ATG7: variants seen among roughly 807,000 people sequenced by gnomAD.
The protein encoded by ATG7 is autophagy related 7.
In ATG7, 70 loss-of-function variants were observed where a neutral mutation model predicts 82.4. The observed-to-expected ratio is 0.85, with a 90% confidence interval of 0.70 to 1.04. ATG7 has a LOEUF of 1.04. Ranked by LOEUF, ATG7 falls within the 50% of genes least tolerant of loss-of-function variation. ATG7 has a pLI of 0.00. For missense variants in ATG7, 792 were observed against 864.3 expected (o/e 0.92, Z 1.05); for synonymous variants, 287 against 313.0 (o/e 0.92, Z 0.88).
At chr3:11,532,594 G>A (rs1202616066) in intron 20 of ATG7, among the ~76,000 whole-genome samples, 3 of 152,134 alleles carry the variant, frequency 2.0e-5, no homozygotes, top group Admixed American at 6.5e-5. Context: ...GTGGTGGTGC[G>A]CACCTGTGGT....
intron 20 of ATG7, among the ~76,000 whole-genome samples, chr3:11,451,796 A>AC (rs1219064789): frequency 8.2e-6 from 1 of 121,872 alleles, no homozygotes; most frequent in African/African-American, 3.5e-5. Context: ...AAAAAAAAAA[A>AC]AAACAAATTA....
intron 19 of ATG7, among the ~76,000 whole-genome samples, chr3:11,424,388 A>G (rs1162799103): frequency 6.6e-6 from 1 of 152,038 alleles, no homozygotes; most frequent in Non-Finnish European, 1.5e-5. Flanking sequence ...TAAAGGTGGG[A>G]GGATCACCTG....
At chr3:11,324,795 C>T (rs968175105) in intron 9 of ATG7, among the ~76,000 whole-genome samples, 1 of 152,006 alleles carries the variant, frequency 6.6e-6, no homozygotes. Flanking sequence ...TCTACATTTG[C>T]ACATGATAAA....
rs1954828953 is a variant in ATG7, at chr3:11,348,011, G to A, written c.1260G>A (p.Arg420=). ...GKPKALAAAD[R]LQKIFPGVNA... ...CCAAGGCTCTGGCAGCAGCGGACCGGCTCCAGAAAATATTCCCCGGTGTGG... is the reference window on the plus strand; with the variant it reads ...CCAAGGCTCTGGCAGCAGCGGACCGACTCCAGAAAATATTCCCCGGTGTGG... The change falls in exon 14 of 21, where the codon CGG becomes CGA. Residue 420 remains arginine (R), a synonymous_variant. Transcript: ENST00000693202. 1 of 1,613,822 alleles carries A rather than the reference G, an allele frequency of 6.2e-7. No individual in the cohort carries two copies. The highest frequency in any genetic ancestry group is 2.2e-5 in the East Asian group (1 of 44,882).
At chr3:11,495,079 GA>G (rs368633027) in intron 20 of ATG7, among the ~76,000 whole-genome samples, 7 of 146,520 alleles carry the variant, frequency 4.8e-5, no homozygotes, top group South Asian at 4.3e-4. Flanking sequence ...CTCCGTCTCA[GA>G]AAAAAAAAAG....
downstream of ATG7, among the ~76,000 whole-genome samples, chr3:11,560,740 T>C (rs1481149379): frequency 1.3e-5 from 2 of 152,082 alleles, no homozygotes; most frequent in African/African-American, 4.8e-5. Context: ...CAGGGTTTCT[T>C]AGTGGCCCGA....
chr3:11,492,426 G>C (rs566472751), intron 20 of ATG7, among the ~76,000 whole-genome samples: 1 of 152,198 alleles, frequency 6.6e-6, no homozygotes, highest in African/African-American at 2.4e-5. Flanking sequence ...CCCGTCTTCT[G>C]TGTCACTCAC....
chr3:11,447,579 C>T (rs1362613268), intron 20 of ATG7, among the ~76,000 whole-genome samples: 2 of 152,156 alleles, frequency 1.3e-5, no homozygotes, highest in Non-Finnish European at 2.9e-5. Context: ...TAGTGTTCAT[C>T]AGCTCTGTTC....
At position 11,330,409 on chromosome 3, in the gene ATG7, A is replaced by G. The variant is rs552484128; in HGVS notation, c.679-931A>G. 1.2e-4 allele frequency among the ~76,000 whole-genome samples: 18 copies of G among 152,298 alleles called. No individual in the cohort carries two copies. The South Asian group carries it at 3.5e-3, about 30-fold the overall frequency. On this transcript the variant is annotated intron_variant, in intron 9 of 20. Coordinates refer to ENST00000693202, the MANE Select transcript of ATG7 (RefSeq NM_001349232.2). ...TTTATACTTTGGGTTATAATTCAAC[A>G]TCATATTATTTATATTGTTGCACAA...
chr3:11,476,903 T>G (rs746756615), intron 20 of ATG7, among the ~76,000 whole-genome samples: 5 of 152,224 alleles, frequency 3.3e-5, no homozygotes, highest in Non-Finnish European at 7.3e-5. Flanking sequence ...AGGCTTCTTT[T>G]AATCTTAAAT....
intron 10 of ATG7, chr3:11,332,663 G>A (rs1050578539): frequency 5.1e-5 from 9 of 175,682 alleles, no homozygotes; most frequent in African/African-American, 1.7e-4. Context: ...TAAATGTCTT[G>A]TGAGCATTTT....
intron 20 of ATG7, among the ~76,000 whole-genome samples, chr3:11,465,639 C>T (rs573040665): frequency 1.3e-4 from 19 of 151,920 alleles, no homozygotes; most frequent in Middle Eastern, 6.8e-3. Context: ...GTGGCACACA[C>T]CTGTAGTCCT....
chr3:11,374,763 G>A (rs1439484165), intron 18 of ATG7, among the ~76,000 whole-genome samples: 2 of 151,982 alleles, frequency 1.3e-5, no homozygotes, highest in Admixed American at 6.6e-5. Context: ...AATTAGCCAG[G>A]CGTGGTGGCG....
chr3:11,337,938 T>C (rs1243598277), intron 11 of ATG7, among the ~76,000 whole-genome samples: 1 of 152,192 alleles, frequency 6.6e-6, no homozygotes, highest in Non-Finnish European at 1.5e-5. Flanking sequence ...TCAAGTTCCT[T>C]GCTATGTATC....
intron 20 of ATG7, among the ~76,000 whole-genome samples, chr3:11,440,674 C>CATTTTTTT (rs769737485): frequency 5.1e-5 from 2 of 39,488 alleles, no homozygotes; most frequent in African/African-American, 2.2e-4. Context: ...TCCCCATTTG[C>CATTTTTTT]TTTTTTTTTT....
At chr3:11,341,370 CA>C in intron 12 of ATG7, among the ~76,000 whole-genome samples, 1 of 151,700 alleles carries the variant, frequency 6.6e-6, no homozygotes, top group East Asian at 1.9e-4. Context: ...CTTATTGGCC[CA>C]CCTTGAAGGA....
intron 10 of ATG7, 23 bp downstream of exon 10, chr3:11,331,451 G>T (rs1158592374): frequency 6.6e-7 from 1 of 1,512,618 alleles, no homozygotes; most frequent in East Asian, 2.3e-5. Flanking sequence ...GTGTGTGTTT[G>T]TCTGTCTGTC....
At position 11,372,772 on chromosome 3, in the gene ATG7, C is replaced by T. The variant is rs910045083; in HGVS notation, c.1876-7200C>T. On this transcript the variant is annotated intron_variant, in intron 18 of 20. Coordinates refer to ENST00000693202, the MANE Select transcript of ATG7 (RefSeq NM_001349232.2). ...TGGTCACTCTGAGGAATCCCTCTTA[C>T]TAGCTACAAAGTTGGTAGGTAAGGG... is the stretch of plus-strand genomic sequence containing the variant. 3.3e-5 allele frequency among the ~76,000 whole-genome samples: 5 copies of T among 151,102 alleles called. 1 individual carries two copies. In the South Asian group the frequency reaches 6.3e-4, roughly 19 times the overall value.
At chr3:11,331,068 C>T (rs1303416130) in intron 9 of ATG7, among the ~76,000 whole-genome samples, 2 of 151,944 alleles carry the variant, frequency 1.3e-5, no homozygotes, top group African/African-American at 2.4e-5. Flanking sequence ...GTCTTTTTTC[C>T]TTCTACGTGT....
Sources: gnomAD v4.1 joint callset for allele counts (sites outside exome capture counted in the v4.1 genomes callset) on GRCh38, gnomAD v4.1.1 for gene constraint, MANE v1.5 for transcripts, NCBI Gene and HGNC (gene_info 2026-07-23, HGNC 2026-07-21) for gene names.